The following HNRNPU variants were observed in gnomAD, a reference collection of about 807,000 sequenced individuals.
HNRNPU encodes HNRNPU antisense RNA 1.
In HNRNPU, 5 loss-of-function variants were observed where a neutral mutation model predicts 94.7. That is an observed-to-expected ratio of 0.05 (90% CI 0.03 to 0.11). The LOEUF (loss-of-function observed/expected upper bound fraction) is 0.11, where lower values mean the gene tolerates loss of function less well. Ranked by LOEUF, HNRNPU falls within the 10% of genes least tolerant of loss-of-function variation. The pLI is 1.00. For missense variants in HNRNPU, 710 were observed against 1,049.2 expected, an observed-to-expected ratio of 0.68 and a Z score of 4.47; for synonymous variants, 434 against 381.6, an observed-to-expected ratio of 1.14 and a Z score of -1.60.
In HNRNPU at chr1:244,852,755, A is replaced by C. The variant is rs1573326968; in HGVS notation, c.*1695T>G. The C allele has an allele frequency of 6.6e-6, 1 of 152,252 alleles. No individual in the cohort carries two copies. The highest frequency in any genetic ancestry group is 6.5e-5 in the Admixed American group (1 of 15,276). 9.4% of individuals were successfully genotyped at this position (152,252 alleles called of 1,614,324 possible). A position where few individuals can be genotyped will look rare whatever the true frequency, so the allele number is the denominator to read the frequency against. ...ATTCATATTTATGATCTGATTTTAA[A>C]GGGCTAAAACAAAATTCTAAGCAAT... On this transcript the variant is annotated 3_prime_UTR_variant, in exon 14 of 14. Transcript: ENST00000640218.
At position 244,864,520 on chromosome 1, in the gene HNRNPU, C is replaced by T; in HGVS notation, c.-213G>A. 2 of 742,524 alleles carry T rather than the reference C, an allele frequency of 2.7e-6. No homozygotes were observed. The highest frequency in any genetic ancestry group is 4.1e-6 in the Non-Finnish European group (2 of 490,534). 46.0% of individuals were successfully genotyped at this position (742,524 alleles called of 1,614,324 possible). A position where few individuals can be genotyped will look rare whatever the true frequency, so the allele number is the denominator to read the frequency against. On this transcript the variant is annotated 5_prime_UTR_variant, in exon 1 of 14. Transcript: ENST00000640218. ...GAGGGAGACGCGGAGACTCGCCTGGCGCGAGCGAGCACGCAACGTCCTCTC... is the reference window on the plus strand; with the variant it reads ...GAGGGAGACGCGGAGACTCGCCTGGTGCGAGCGAGCACGCAACGTCCTCTC...
intron 5 of HNRNPU, 106 bp downstream of exon 5, chr1:244,859,169 T>TA (rs2102987395): frequency 1.5e-6 from 1 of 647,360 alleles, no homozygotes; most frequent in South Asian, 1.9e-5. Context: ...ATTAACAGAA[T>TA]AGATAAAAAC....
rs769435589 is a variant in HNRNPU, at chr1:244,862,699, A to G, written c.723T>C (p.Asp241=). ...GDGKTEQKGG[D]KKRGVKRPRE... is the part of the protein sequence containing the mutation. ...GTGGTCTTTTAACACCCCTCTTTTT[A>G]TCTCCGCCTTTCTGTTCTGTTTTGC... is the stretch of plus-strand genomic sequence containing the variant. Residue 241 remains aspartate (D), a synonymous_variant, in exon 2 of 14, where the codon GAT becomes GAC. Transcript: ENST00000640218. The G allele has an allele frequency of 6.2e-7, 1 of 1,613,840 alleles. No individual in the cohort carries two copies. Among genetic ancestry groups the G allele is most frequent in the South Asian group, 1.1e-5 (1 of 91,080 alleles).
Position 244,858,743 on chromosome 1 carries a change from T to G in HNRNPU, c.1216A>C (p.Ile406Leu). The G allele has an allele frequency of 6.4e-7, 1 of 1,568,940 alleles. No homozygotes were observed. Among genetic ancestry groups the G allele is most frequent in the Non-Finnish European group, 8.8e-7 (1 of 1,139,598 alleles). Residue 406 changes from isoleucine to leucine, a missense_variant, in exon 6 of 14, where the codon ATT becomes CTT. Coordinates refer to ENST00000640218, the MANE Select transcript of HNRNPU (RefSeq NM_031844.3). ...CTTTAACTTACAGCAAAACATGTAATCACATCATTTTCATCAAACTTTTCT... is the reference window on the plus strand; with the variant it reads ...CTTTAACTTACAGCAAAACATGTAAGCACATCATTTTCATCAAACTTTTCT... Reference protein sequence around the residue: ...YGEKFDENDVITCFANFESDE... With the variant: ...YGEKFDENDVLTCFANFESDE...
chr1:244,863,083 C>T (rs1219442372), intron 1 of HNRNPU: 1 of 263,544 alleles, frequency 3.8e-6, no homozygotes, highest in Non-Finnish European at 7.2e-6. Context: ...CTCCCCGCGG[C>T]CGCATTGTAC....
At position 244,856,507 on chromosome 1, in the gene HNRNPU, G is replaced by A. The variant is rs1462741233; in HGVS notation, c.1862C>T (p.Ala621Val). ...TGGTAGGTCTTTCCCCTCTACTTCT[G>A]CTTTCTTCTGTGTTCTTTGCTTATA... ...EDYKQRTQKK[A>V]EVEGKDLPEH... is the part of the protein sequence containing the mutation. Residue 621 changes from alanine (A) to valine (V), a missense_variant, in exon 10 of 14, where the codon GCA becomes GTA. By Grantham distance (64) the Ala-to-Val change is moderately conservative. Around this residue, in one of 8 missense-constraint regions of HNRNPU, gnomAD observed 31 missense variants for 132.4 expected, o/e 0.23. Transcript: ENST00000640218. 6.2e-7 allele frequency: 1 copy of A among 1,613,830 alleles called. No homozygotes were observed. Among genetic ancestry groups the A allele is most frequent in the Admixed American group, 1.7e-5 (1 of 60,008 alleles).
rs565535384 is a variant in HNRNPU at position 244,859,107 on chromosome 1, A to G, written c.1117+168T>C. 18 of 580,900 alleles carry G rather than the reference A, an allele frequency of 3.1e-5. No homozygotes were observed. The South Asian group carries it at 4.2e-4, about 14-fold the overall frequency. 36.0% of individuals were successfully genotyped at this position (580,900 alleles called of 1,614,324 possible). A position where few individuals can be genotyped will look rare whatever the true frequency, so the allele number is the denominator to read the frequency against. On this transcript the variant is annotated intron_variant, in intron 5 of 13. Transcript: ENST00000640218. Reference sequence around the variant, plus strand: ...TCATAAACTTCTAATAAAGGAACAAAAACTAAAATGTAGCCTGTGCCTACT... The same window carrying G: ...TCATAAACTTCTAATAAAGGAACAAGAACTAAAATGTAGCCTGTGCCTACT...
At chr1:244,857,080 A>C in intron 8 of HNRNPU, 1 of 396,328 alleles carries the variant, frequency 2.5e-6, no homozygotes, top group Non-Finnish European at 4.5e-6. Context: ...CAAAAACACT[A>C]CGGAAAAAAA....
chr1:244,860,712 AT>A, intron 3 of HNRNPU: 1 of 553,904 alleles, frequency 1.8e-6, no homozygotes, highest in Non-Finnish European at 3.2e-6. Context: ...TTTAACATGT[AT>A]ATTTTAAGTA....
chr1:244,860,801 G>A (rs1558188693), intron 3 of HNRNPU: 1 of 322,710 alleles, frequency 3.1e-6, no homozygotes, highest in East Asian at 4.9e-5. Flanking sequence ...AAGCAGTAGA[G>A]GATAGCAGGA....
At chr1:244,855,101 G>T (rs1232311610) in intron 12 of HNRNPU, 57 bp from the exon 13 acceptor site, 40 of 1,378,730 alleles carry the variant, frequency 2.9e-5, no homozygotes, top group Non-Finnish European at 3.5e-5. Context: ...TTAGGTTTGT[G>T]GGGGTGAGAG....
chr1:244,864,489 G>C lies in HNRNPU; in HGVS notation c.-182C>G. ...GAACGGCGCCAATTCCTTTCACCGA[G>C]TTCGCGAGGGAGACGCGGAGACTCG... is the stretch of plus-strand genomic sequence containing the variant. On this transcript the variant is annotated 5_prime_UTR_variant, in exon 1 of 14. Coordinates refer to ENST00000640218, the MANE Select transcript of HNRNPU (RefSeq NM_031844.3). 9.7e-7 allele frequency: 1 copy of C among 1,035,530 alleles called. No homozygotes were observed. The highest frequency in any genetic ancestry group is 1.3e-6 in the Non-Finnish European group (1 of 743,176). 64.1% of individuals were successfully genotyped at this position (1,035,530 alleles called of 1,614,324 possible). A position where few individuals can be genotyped will look rare whatever the true frequency, so the allele number is the denominator to read the frequency against.
In HNRNPU at chr1:244,852,748, A is replaced by AT. The variant is rs1306791595; in HGVS notation, c.*1701dup. The AT allele has an allele frequency of 1.3e-5, 2 of 152,208 alleles. No homozygotes were observed. Among genetic ancestry groups the AT allele is most frequent in the Non-Finnish European group, 2.9e-5 (2 of 68,006 alleles). The allele number at this position is 152,208 out of a possible 1,614,324, so 9.4% of individuals were successfully genotyped here. ...AGTATGAATTCATATTTATGATCTG[A>AT]TTTTAAAGGGCTAAAACAAAATTCT... is the stretch of plus-strand genomic sequence containing the variant. On this transcript the variant is annotated 3_prime_UTR_variant, in exon 14 of 14. Coordinates refer to ENST00000640218, the MANE Select transcript of HNRNPU (RefSeq NM_031844.3).
intron 11 of HNRNPU, 30 bp from the exon 12 acceptor site, chr1:244,855,638 T>G: frequency 6.2e-7 from 1 of 1,608,292 alleles, no homozygotes; most frequent in Non-Finnish European, 8.5e-7. Context: ...TTAGTTTCAT[T>G]GTATATTGTA....
At chr1:244,858,904 T>C in intron 5 of HNRNPU, 63 bp from the exon 6 acceptor site, 1 of 783,368 alleles carries the variant, frequency 1.3e-6, no homozygotes, top group South Asian at 1.5e-5. Context: ...TCATCTATTT[T>C]ACTACTTAAG....
Position 244,858,832 on chromosome 1 carries a change from T to C in HNRNPU, c.1127A>G (p.Glu376Gly), listed in dbSNP as rs554184378. 2.1e-6 allele frequency: 3 copies of C among 1,458,306 alleles called. No homozygotes were observed. Among genetic ancestry groups the C allele is most frequent in the African/African-American group, 1.4e-5 (1 of 71,810 alleles). The allele number at this position is 1,458,306 out of a possible 1,614,324, so 90.3% of individuals were successfully genotyped here. ...TTTTAGAGAATACCCATAAGAAAAT[T>C]CTTCTTCACCTAAGAAAATAATTAA... The part of the protein sequence containing the change: ...TTSGMLLGEE[E>G]FSYGYSLKGI... The change falls in exon 6 of 14, where the codon GAA becomes GGA. Residue 376 changes from glutamate to glycine, a missense_variant. Coordinates refer to ENST00000640218, the MANE Select transcript of HNRNPU (RefSeq NM_031844.3).
Position 244,859,360 on chromosome 1 carries a change from G to A in HNRNPU, c.1032C>T (p.Ile344=). ...VCFEMKVTEK[I]PVRHLYTKDI... Reference sequence around the variant, plus strand: ...CTTTTGTATATAAATGCCTTACTGGGATCTTCTCTGTAACCTGAAAGTCAA... The same window carrying A: ...CTTTTGTATATAAATGCCTTACTGGAATCTTCTCTGTAACCTGAAAGTCAA... Residue 344 remains isoleucine, a synonymous_variant, in exon 5 of 14, where the codon ATC becomes ATT. Coordinates refer to ENST00000640218, the MANE Select transcript of HNRNPU (RefSeq NM_031844.3). 1.3e-6 allele frequency: 2 copies of A among 1,541,526 alleles called. No homozygotes were observed. Among genetic ancestry groups the A allele is most frequent in the African/African-American group, 1.4e-5 (1 of 73,548 alleles).
At chr1:244,856,429 A>G (rs1239020495) in intron 10 of HNRNPU, 28 bp downstream of exon 10, 2 of 1,583,782 alleles carry the variant, frequency 1.3e-6, no homozygotes, top group South Asian at 2.3e-5. Context: ...AGAAGATTTC[A>G]CACAGTAACA....
intron 5 of HNRNPU, 48 bp from the exon 6 acceptor site, chr1:244,858,889 AAG>A (rs1461685518): frequency 2.3e-6 from 2 of 887,986 alleles, no homozygotes; most frequent in South Asian, 2.9e-5. Context: ...AAATAGTCCA[AAG>A]ACTCATCTAT....
Sources: allele counts gnomAD v4.1 joint callset, GRCh38; gene constraint gnomAD v4.1.1; regional missense constraint gnomAD v4.1.1; transcripts MANE v1.5; gene names NCBI Gene and HGNC (gene_info 2026-07-23, HGNC 2026-07-21).